The following TGFB2 variants were observed in gnomAD, a reference collection of about 807,000 sequenced individuals.
The protein encoded by TGFB2 is transforming growth factor beta-2 proprotein.
Under a neutral mutation model 42.7 loss-of-function variants are expected in TGFB2, and 13 were observed. The ratio of observed to expected loss-of-function variants is 0.30; its 90% CI spans 0.20 to 0.48. TGFB2 has a LOEUF of 0.48. TGFB2 is among the 20% of genes least tolerant of loss of function. The probability of loss-of-function intolerance (pLI) is 0.99; values close to 1 mark genes in which losing one functional copy is unlikely to be tolerated. For synonymous variants in TGFB2, 193 were observed against 193.6 expected (o/e 1.00, Z 0.03); for missense variants, 390 against 517.5 (o/e 0.75, Z 2.39).
Position 218,346,563 on chromosome 1 carries a change from T to C in TGFB2, c.-139T>C. On this transcript the variant is annotated 5_prime_UTR_variant, in exon 1 of 7. Transcript: ENST00000366930. The surrounding 1 kb of genome is among the most constrained non-coding windows in gnomAD (Gnocchi z 4.9). ...GTTTTTCTGTTGGGCATTGACTAGA[T>C]TGTTTGCAAAAGTTTCGCATCAAAA... 1.4e-6 allele frequency: 1 copy of C among 700,586 alleles called. No homozygotes were observed. The highest frequency in any genetic ancestry group is 2.1e-5 in the South Asian group (1 of 47,354). The allele number at this position is 700,586 out of a possible 1,614,324, so 43.4% of individuals were successfully genotyped here.
intron 2 of TGFB2, among the ~76,000 whole-genome samples, chr1:218,423,558 C>A (rs1659524168): frequency 6.6e-6 from 1 of 152,076 alleles, no homozygotes; most frequent in Admixed American, 6.6e-5. Flanking sequence ...GAAAGGCATT[C>A]TGATAGGGTT....
At chr1:218,394,575 C>T (rs535582001) in intron 1 of TGFB2, among the ~76,000 whole-genome samples, 2 of 152,086 alleles carry the variant, frequency 1.3e-5, no homozygotes, top group South Asian at 2.1e-4. Flanking sequence ...AAGCTGATGC[C>T]GACACAATTA....
chr1:218,377,454 T>C (rs570575952), intron 1 of TGFB2, among the ~76,000 whole-genome samples: 74 of 152,342 alleles, frequency 4.9e-4, no homozygotes, highest in African/African-American at 1.5e-3. Context: ...GAGTCATGTC[T>C]CTTTCAATAC....
At chr1:218,407,609 T>G (rs548843371) in intron 2 of TGFB2, among the ~76,000 whole-genome samples, 3 of 152,356 alleles carry the variant, frequency 2.0e-5, no homozygotes, top group Non-Finnish European at 4.4e-5. Flanking sequence ...TACTCACAGC[T>G]ATACTATGAA....
intron 2 of TGFB2, among the ~76,000 whole-genome samples, chr1:218,411,077 C>T (rs2799103): frequency 0.21 from 32,073 of 152,006 alleles, 3,541 homozygotes; most frequent in African/African-American, 0.26. Flanking sequence ...AATTTGCTAA[C>T]CTCAGAGGAC....
chr1:218,355,986 T>C (rs1657020445), intron 1 of TGFB2, among the ~76,000 whole-genome samples: 1 of 151,888 alleles, frequency 6.6e-6, no homozygotes, highest in Non-Finnish European at 1.5e-5. Flanking sequence ...TGGTATAGAG[T>C]GCTATAGCAG....
At chr1:218,364,402 T>G (rs1403285338) in intron 1 of TGFB2, among the ~76,000 whole-genome samples, 1 of 152,236 alleles carries the variant, frequency 6.6e-6, no homozygotes, top group African/African-American at 2.4e-5. Context: ...GCTTACTATA[T>G]GCTGGACGAT....
chr1:218,373,229 G>A (rs1657628541), intron 1 of TGFB2, among the ~76,000 whole-genome samples: 1 of 152,268 alleles, frequency 6.6e-6, no homozygotes, highest in East Asian at 1.9e-4. Flanking sequence ...TTGAGAACCT[G>A]TATTTTGGAG....
intron 1 of TGFB2, chr1:218,363,512 G>A (rs1657286246): frequency 7.9e-7 from 1 of 1,268,538 alleles, no homozygotes. Flanking sequence ...CCAGAGGCAA[G>A]ATGAGATTCT....
chr1:218,365,764 C>A (rs1657368281), intron 1 of TGFB2, among the ~76,000 whole-genome samples: 1 of 151,520 alleles, frequency 6.6e-6, no homozygotes, highest in Non-Finnish European at 1.5e-5. Context: ...GGGTGAATTT[C>A]TCCATGCTGA....
intron 1 of TGFB2, among the ~76,000 whole-genome samples, chr1:218,361,934 A>G (rs2102544410): frequency 6.6e-6 from 1 of 152,376 alleles, no homozygotes; most frequent in African/African-American, 2.4e-5. Context: ...ATGTGCTTAT[A>G]GAATCCCCGC....
rs530249564 is a variant in TGFB2 at position 218,405,422 on chromosome 1, T to G, written c.510+90T>G. The G allele has an allele frequency of 3.8e-6, 6 of 1,595,518 alleles. No homozygotes were observed. In the East Asian group the frequency reaches 1.1e-4, roughly 30 times the overall value. ...CTCTCTGTCACAGGCTAGAGTACAG[T>G]GGCATGATCACAGCTCACTGCAACC... is the stretch of plus-strand genomic sequence containing the variant. On this transcript the variant is annotated intron_variant, in intron 2 of 6. Transcript: ENST00000366930.
At chr1:218,388,332 C>T (rs1443146879) in intron 1 of TGFB2, among the ~76,000 whole-genome samples, 1 of 152,192 alleles carries the variant, frequency 6.6e-6, no homozygotes. Flanking sequence ...AGTTGGCCCC[C>T]CCACATCCAG....
intron 2 of TGFB2, among the ~76,000 whole-genome samples, chr1:218,413,838 C>T (rs1386707404): frequency 1.3e-5 from 2 of 152,150 alleles, no homozygotes; most frequent in South Asian, 2.1e-4. Context: ...TAGAGGCTAT[C>T]GGTTGCAAGG....
intron 2 of TGFB2, among the ~76,000 whole-genome samples, chr1:218,432,818 C>T (rs1448945736): frequency 2.0e-5 from 3 of 151,980 alleles, no homozygotes; most frequent in Admixed American, 6.6e-5. Flanking sequence ...TACAAAAATC[C>T]GGAAGAGTAG....
chr1:218,389,644 G>T (rs1658258437), intron 1 of TGFB2, among the ~76,000 whole-genome samples: 2 of 152,200 alleles, frequency 1.3e-5, no homozygotes, highest in African/African-American at 4.8e-5. Context: ...TCTCATGGGT[G>T]CTCTGTGGTA....
Position 218,441,421 on chromosome 1 carries a change from C to A in TGFB2, c.*59C>A. 1 of 1,523,292 alleles carries A rather than the reference C, an allele frequency of 6.6e-7. No individual in the cohort carries two copies. The highest frequency in any genetic ancestry group is 2.1e-5 in the Admixed American group (1 of 46,656). The allele number at this position is 1,523,292 out of a possible 1,614,324, so 94.4% of individuals were successfully genotyped here. On this transcript the variant is annotated 3_prime_UTR_variant, in exon 7 of 7. Transcript: ENST00000366930. ...ATGATGATGATAATGATGATGACGA[C>A]GACAACGATGATGCTTGTAACAAGA...
Position 218,436,283 on chromosome 1 carries a change from C to T in TGFB2, c.932+136C>T, listed in dbSNP as rs587776396. ...ATAGAGTGCAGTACAGCTCCTGTGT[C>T]TCATAATACCATTCTTCCCAGAGGC... is the stretch of plus-strand genomic sequence containing the variant. On this transcript the variant is annotated intron_variant, in intron 5 of 6. Coordinates refer to ENST00000366930, the MANE Select transcript of TGFB2 (RefSeq NM_003238.6). The T allele has an allele frequency of 1.3e-6, 1 of 772,776 alleles. No homozygotes were observed. Among genetic ancestry groups the T allele is most frequent in the Non-Finnish European group, 2.0e-6 (1 of 497,280 alleles). The allele number at this position is 772,776 out of a possible 1,614,324, so 47.9% of individuals were successfully genotyped here.
intron 1 of TGFB2, among the ~76,000 whole-genome samples, chr1:218,403,485 C>T (rs566407680): frequency 4.6e-5 from 7 of 152,138 alleles, no homozygotes; most frequent in Non-Finnish European, 8.8e-5. Context: ...GCATGGATTT[C>T]CCAATAAATC....
Sources: allele counts gnomAD v4.1 joint callset (sites outside exome capture counted in the v4.1 genomes callset), GRCh38; gene constraint gnomAD v4.1.1; non-coding constraint Gnocchi (gnomAD v3.1); transcripts MANE v1.5; gene names NCBI Gene and HGNC (gene_info 2026-07-23, HGNC 2026-07-21).